NAALADL2: variants seen among roughly 807,000 people sequenced by gnomAD.
The protein encoded by NAALADL2 is N-acetylated alpha-linked acidic dipeptidase like 2, also known as inactive N-acetylated-alpha-linked acidic dipeptidase-like protein 2.
A neutral mutation model predicts 87.2 loss-of-function variants in NAALADL2; 76 were observed. That is an observed-to-expected ratio of 0.87 (90% CI 0.72 to 1.05). NAALADL2 has a LOEUF of 1.05. NAALADL2 is among the 50% of genes least tolerant of loss of function. NAALADL2 has a pLI of 0.00. For missense variants in NAALADL2, 1,089 were observed against 945.8 expected, an observed-to-expected ratio of 1.15 and a Z score of -1.99; for synonymous variants, 354 against 331.0, an observed-to-expected ratio of 1.07 and a Z score of -0.75.
intron 8 of NAALADL2, 105 bp downstream of exon 8, chr3:175,467,289 C>G (rs16825751): frequency 2.4e-6 from 2 of 850,878 alleles, no homozygotes; most frequent in Admixed American, 5.0e-5. Context: ...CTTCTCAACA[C>G]AAGTGTCATA....
At chr3:175,124,751 A>C (rs1284681241) in intron 2 of NAALADL2, 1 of 152,062 alleles carries the variant, frequency 6.6e-6, no homozygotes, top group African/African-American at 2.4e-5. Flanking sequence ...ATATCATATG[A>C]CACATTCTAA....
At chr3:174,810,880 T>C (rs1210759157) in intron 3 of NAALADL2, among the ~76,000 whole-genome samples, 1 of 152,120 alleles carries the variant, frequency 6.6e-6, no homozygotes, top group African/African-American at 2.4e-5. Context: ...GAAAGAATAA[T>C]ATCATGGACC....
chr3:174,966,110 TATA>T (rs1742827331), intron 1 of NAALADL2, among the ~76,000 whole-genome samples: 1 of 152,126 alleles, frequency 6.6e-6, no homozygotes, highest in Non-Finnish European at 1.5e-5. Context: ...CCTGAATTAT[TATA>T]ATAGTTACCC....
Position 174,620,904 on chromosome 3 carries a change from G to A in NAALADL2, c.-115+70267G>A, listed in dbSNP as rs543628175. Among the ~76,000 whole-genome samples, 12 of 152,192 alleles carry A rather than the reference G, an allele frequency of 7.9e-5. No individual in the cohort carries two copies. The East Asian group carries it at 2.1e-3, about 27-fold the overall frequency. On this transcript the variant is annotated intron_variant, in intron 2 of 3. Coordinates refer to the NAALADL2 transcript ENST00000434257. ...GAGCTAATTACATGATTTGGCTTAT[G>A]TTTAAATAATAAAAACATAATAGGC... is the stretch of plus-strand genomic sequence containing the variant.
intron 1 of NAALADL2, among the ~76,000 whole-genome samples, chr3:175,025,752 C>T (rs1201195406): frequency 6.6e-6 from 1 of 152,016 alleles, no homozygotes; most frequent in Non-Finnish European, 1.5e-5. Flanking sequence ...AATATGTATT[C>T]ACCATCCCTC....
chr3:175,781,629 G>T (rs138908783), intron 13 of NAALADL2, among the ~76,000 whole-genome samples: 3 of 146,182 alleles, frequency 2.1e-5, no homozygotes, highest in Non-Finnish European at 4.5e-5. Context: ...CTGGGCTAAT[G>T]TGTTTGTTTG....
At chr3:174,528,150 T>C (rs1024329052) in intron 1 of NAALADL2, among the ~76,000 whole-genome samples, 1 of 152,180 alleles carries the variant, frequency 6.6e-6, no homozygotes, top group Non-Finnish European at 1.5e-5. Flanking sequence ...TTTCTTCCAC[T>C]TTGTGTTATG....
intron 2 of NAALADL2, among the ~76,000 whole-genome samples, chr3:174,633,438 C>T (rs115526323): frequency 2.0e-5 from 3 of 152,264 alleles, no homozygotes; most frequent in Non-Finnish European, 4.4e-5. Flanking sequence ...TTTTATCCAT[C>T]TTGAATTTCA....
intron 5 of NAALADL2, among the ~76,000 whole-genome samples, chr3:175,406,914 C>T (rs1448927888): frequency 3.9e-4 from 59 of 152,034 alleles, no homozygotes; most frequent in Admixed American, 3.8e-3. Flanking sequence ...GGCGCTGTGG[C>T]TCACGCCTGT....
intron 9 of NAALADL2, among the ~76,000 whole-genome samples, chr3:175,500,905 G>T (rs1390871444): frequency 1.3e-5 from 2 of 152,238 alleles, no homozygotes; most frequent in East Asian, 3.9e-4. Context: ...GATAGACAGT[G>T]AGTGGCTTTG....
chr3:174,723,937 A>G (rs566717309), intron 2 of NAALADL2, among the ~76,000 whole-genome samples: 1 of 152,164 alleles, frequency 6.6e-6, no homozygotes, highest in Non-Finnish European at 1.5e-5. Flanking sequence ...TAAATATGCA[A>G]TCCCTTGATG....
chr3:175,087,337 G>A (rs1203147334), intron 1 of NAALADL2, among the ~76,000 whole-genome samples: 2 of 152,110 alleles, frequency 1.3e-5, no homozygotes, highest in East Asian at 1.9e-4. Flanking sequence ...GGTTGGGGGC[G>A]CCTCTGCACG....
chr3:174,803,097 A>T lies in NAALADL2; in HGVS notation c.-9+65351A>T, dbSNP rs533553493. ...TGAACTACTTTACGCTCCCACCAAC[A>T]GTGTAAAAGCATTCCTATTTCTCCA... On this transcript the variant is annotated intron_variant, in intron 3 of 3. Transcript: ENST00000434257. Among the ~76,000 whole-genome samples the T allele has an allele frequency of 3.0e-3, 455 of 152,274 alleles. 2 individuals carry two copies. The highest frequency in any genetic ancestry group is 4.8e-3 in the Non-Finnish European group (328 of 68,020).
chr3:174,532,403 T>C (rs1180179199), intron 1 of NAALADL2, among the ~76,000 whole-genome samples: 1 of 152,084 alleles, frequency 6.6e-6, no homozygotes, highest in African/African-American at 2.4e-5. Flanking sequence ...GAGAGGTCAG[T>C]CTTATAAATA....
intron 2 of NAALADL2, among the ~76,000 whole-genome samples, chr3:174,568,971 A>T (rs1346108775): frequency 6.6e-6 from 1 of 151,612 alleles, no homozygotes; most frequent in Non-Finnish European, 1.5e-5. Flanking sequence ...CATTTTACCC[A>T]TATAAAAGCT....
chr3:175,130,027 G>T (rs1727567241), intron 2 of NAALADL2, among the ~76,000 whole-genome samples: 2 of 152,080 alleles, frequency 1.3e-5, no homozygotes, highest in African/African-American at 2.4e-5. Flanking sequence ...ATTTCTTATT[G>T]TAGGTAGGAT....
At chr3:175,089,548 C>T (rs900447861) in intron 1 of NAALADL2, among the ~76,000 whole-genome samples, 15 of 151,952 alleles carry the variant, frequency 9.9e-5, no homozygotes, top group Non-Finnish European at 2.1e-4. Flanking sequence ...GAGGTAAAGA[C>T]CTAACTTTAT....
intron 5 of NAALADL2, among the ~76,000 whole-genome samples, chr3:175,420,014 G>A (rs547504174): frequency 1.3e-5 from 2 of 152,070 alleles, no homozygotes; most frequent in South Asian, 4.1e-4. Flanking sequence ...GGATGGAGCA[G>A]ACATCGTTGG....
chr3:175,483,244 T>C (rs1726769931), intron 9 of NAALADL2, among the ~76,000 whole-genome samples: 2 of 151,718 alleles, frequency 1.3e-5, no homozygotes, highest in African/African-American at 4.8e-5. Context: ...AAAAGAGTCA[T>C]TAAGTCTTTA....
Sources: allele counts gnomAD v4.1 joint callset (sites outside exome capture counted in the v4.1 genomes callset), GRCh38; gene constraint gnomAD v4.1.1; transcripts MANE v1.5; gene names NCBI Gene and HGNC (gene_info 2026-07-23, HGNC 2026-07-21).